Variants in USH2A observed in about 807,000 individuals in gnomAD.
USH2A encodes the protein Usher syndrome 2A (autosomal recessive, mild).
In USH2A, 443 loss-of-function variants were observed where a neutral mutation model predicts 538.9. The ratio of observed to expected loss-of-function variants is 0.82; its 90% CI spans 0.76 to 0.89. USH2A has a LOEUF of 0.89. USH2A is among the 40% of genes least tolerant of loss of function. The pLI is 0.00. For missense variants in USH2A, 6,633 were observed against 6,324.8 expected (o/e 1.05, Z -1.65); for synonymous variants, 2,413 against 2,273.5 (o/e 1.06, Z -1.75).
intron 50 of USH2A, among the ~76,000 whole-genome samples, chr1:215,796,148 A>G (rs1223380691): frequency 6.6e-6 from 1 of 152,204 alleles, no homozygotes; most frequent in African/African-American, 2.4e-5. Context: ...GTAACATCTG[A>G]AAAGCTCTGC....
intron 71 of USH2A, among the ~76,000 whole-genome samples, chr1:215,627,453 C>CT (rs1656089939): frequency 9.5e-6 from 1 of 104,780 alleles, no homozygotes; most frequent in Non-Finnish European, 2.1e-5. Flanking sequence ...TCCTTCCTTC[C>CT]TTCCTTCCTT....
chr1:216,000,567 G>A lies in USH2A; in HGVS notation c.6326-5C>T. On this transcript the variant is annotated splice_region_variant and splice_polypyrimidine_tract_variant and intron_variant, in intron 32 of 71. Transcript: ENST00000307340. ...GGGGTGTAAATACTGCTAAATCTAG[G>A]GGATAGGGAGAAACAAGAATTTACT... 4.3e-6 allele frequency: 7 copies of A among 1,613,104 alleles called. No individual in the cohort carries two copies. Among genetic ancestry groups the A allele is most frequent in the Non-Finnish European group, 5.9e-6 (7 of 1,179,362 alleles).
At chr1:215,640,802 A>T in intron 67 of USH2A, 68 bp from the exon 68 acceptor site, 2 of 1,416,112 alleles carry the variant, frequency 1.4e-6, no homozygotes, top group Non-Finnish European at 1.9e-6. Flanking sequence ...GTGCACTTTA[A>T]AAAAAAAAAA....
At chr1:215,627,501 C>T (rs928949072) in intron 71 of USH2A, among the ~76,000 whole-genome samples, 2 of 141,074 alleles carry the variant, frequency 1.4e-5, no homozygotes, top group African/African-American at 5.3e-5. Context: ...TCCTTCCTTC[C>T]TTCTTTCCTT....
chr1:215,926,701 T>A (rs947660269), intron 38 of USH2A, among the ~76,000 whole-genome samples: 5 of 144,764 alleles, frequency 3.5e-5, no homozygotes, highest in Non-Finnish European at 7.5e-5. Flanking sequence ...CTCTGTAACC[T>A]CCGCCTTTCG....
intron 35 of USH2A, among the ~76,000 whole-genome samples, chr1:215,974,428 T>G (rs765472870): frequency 2.0e-5 from 3 of 152,138 alleles, no homozygotes; most frequent in Non-Finnish European, 4.4e-5. Flanking sequence ...AGGTTTGGGA[T>G]GTGAATGATC....
intron 58 of USH2A, among the ~76,000 whole-genome samples, chr1:215,747,386 G>A (rs1660499978): frequency 6.6e-6 from 1 of 151,838 alleles, no homozygotes; most frequent in South Asian, 2.1e-4. Flanking sequence ...CACATAATAG[G>A]CCTATTTAAA....
intron 44 of USH2A, among the ~76,000 whole-genome samples, chr1:215,848,631 T>C (rs1409673712): frequency 6.6e-6 from 1 of 152,216 alleles, no homozygotes; most frequent in Non-Finnish European, 1.5e-5. Context: ...TATGTCTTAC[T>C]GCATGATATG....
At chr1:216,186,741 G>C (rs972013382) in intron 20 of USH2A, among the ~76,000 whole-genome samples, 13 of 151,802 alleles carry the variant, frequency 8.6e-5, no homozygotes, top group African/African-American at 2.9e-4. Context: ...ATAAACTCAC[G>C]AGTTTATTTC....
Position 215,743,412 on chromosome 1 carries a change from G to C in USH2A, c.11390-77C>G, listed in dbSNP as rs371129778. The C allele has an allele frequency of 0.018, 7,730 of 433,020 alleles. 716 individuals carry two copies. The highest frequency in any genetic ancestry group is 0.071 in the African/African-American group (2,600 of 36,406). The allele number at this position is 433,020 out of a possible 1,614,324, so 26.8% of individuals were successfully genotyped here. ...TGTGTGTGTGTGTGTGTGTGTGTGT[G>C]TGTGTATATATATATAGACACACAT... is the stretch of plus-strand genomic sequence containing the variant. On this transcript the variant is annotated intron_variant, in intron 58 of 71. Coordinates refer to ENST00000307340, the MANE Select transcript of USH2A (RefSeq NM_206933.4).
At chr1:215,734,592 G>C (rs921943216) in intron 60 of USH2A, among the ~76,000 whole-genome samples, 1 of 152,112 alleles carries the variant, frequency 6.6e-6, no homozygotes, top group Admixed American at 6.6e-5. Context: ...TTCCAACTTT[G>C]AGTCATTCCT....
At position 216,055,585 on chromosome 1, in the gene USH2A, A is replaced by C. The variant is rs114685425; in HGVS notation, c.6050-6938T>G. ...ATAAAGTTCTAACACAGACATTTTG[A>C]CACAGTGATCCCATGAAACTGAATA... On this transcript the variant is annotated intron_variant, in intron 30 of 71. Coordinates refer to ENST00000307340, the MANE Select transcript of USH2A (RefSeq NM_206933.4). Among the ~76,000 whole-genome samples the C allele has an allele frequency of 7.1e-3, 1,082 of 152,366 alleles. 13 individuals are homozygous for C. Among genetic ancestry groups the C allele is most frequent in the African/African-American group, 0.025 (1,032 of 41,580 alleles).
At chr1:215,978,471 A>T (rs1667673643) in intron 35 of USH2A, among the ~76,000 whole-genome samples, 1 of 152,194 alleles carries the variant, frequency 6.6e-6, no homozygotes, top group African/African-American at 2.4e-5. Flanking sequence ...TAAGCCTAAT[A>T]AAAAGATTAA....
At chr1:215,848,105 C>T (rs1039042141) in intron 44 of USH2A, among the ~76,000 whole-genome samples, 2 of 152,250 alleles carry the variant, frequency 1.3e-5, no homozygotes, top group African/African-American at 4.8e-5. Flanking sequence ...AATCCCTTAA[C>T]ATTTTCCTGA....
chr1:216,050,619 T>TCTTTCTTTCTTTCTTTCTTTC (rs1398624665), intron 30 of USH2A, among the ~76,000 whole-genome samples: 2 of 138,320 alleles, frequency 1.4e-5, no homozygotes, highest in African/African-American at 5.3e-5. Flanking sequence ...TTTTTTTTTT[T>TCTTTCTTTCTTTCTTTCTTTC]TTTGAGACAG....
At chr1:215,946,551 T>C (rs17025690) in intron 37 of USH2A, among the ~76,000 whole-genome samples, 4,885 of 152,298 alleles carry the variant, frequency 0.032, 123 homozygotes, top group South Asian at 0.084. Flanking sequence ...ATATCAGTCA[T>C]GTCATTATTT....
intron 35 of USH2A, among the ~76,000 whole-genome samples, chr1:215,981,643 A>T (rs1667754954): frequency 6.6e-6 from 1 of 152,166 alleles, no homozygotes; most frequent in South Asian, 2.1e-4. Flanking sequence ...TCCTTGCAAC[A>T]CTACCTCAAG....
intron 3 of USH2A, among the ~76,000 whole-genome samples, chr1:216,399,371 A>G (rs1273500462): frequency 6.6e-6 from 1 of 152,070 alleles, no homozygotes; most frequent in East Asian, 1.9e-4. Flanking sequence ...TCACTAAGTG[A>G]GCAGGGCCTA....
In USH2A at chr1:215,728,048, C is replaced by T. The variant is rs1224417705; in HGVS notation, c.12048G>A (p.Val4016=). 1 of 1,614,020 alleles carries T rather than the reference C, an allele frequency of 6.2e-7. No individual in the cohort carries two copies. The highest frequency in any genetic ancestry group is 8.5e-7 in the Non-Finnish European group (1 of 1,180,052). The part of the protein sequence containing the change: ...PDDPTFNSPT[V]HAFTVKGTSH... ...GTCTTACCTTCACTGTGAAAGCATG[C>T]ACGGTAGGGCTGTTAAATGTAGGAT... Residue 4016 remains valine, a synonymous_variant, in exon 61 of 72, where the codon GTG becomes GTA. Coordinates refer to ENST00000307340, the MANE Select transcript of USH2A (RefSeq NM_206933.4).
Sources: gnomAD v4.1 joint callset for allele counts (sites outside exome capture counted in the v4.1 genomes callset) on GRCh38, gnomAD v4.1.1 for gene constraint, MANE v1.5 for transcripts, NCBI Gene and HGNC (gene_info 2026-07-23, HGNC 2026-07-21) for gene names.